The following GBE1 variants were observed in gnomAD, a reference collection of about 807,000 sequenced individuals.
GBE1 encodes 1,4-alpha-glucan-branching enzyme.
Under a neutral mutation model 88.8 loss-of-function variants are expected in GBE1, and 70 were observed. That is an observed-to-expected ratio of 0.79 (90% confidence interval 0.65 to 0.96). The LOEUF is 0.96. Ranked by LOEUF, GBE1 falls within the 40% of genes least tolerant of loss-of-function variation. The probability of loss-of-function intolerance (pLI) is 0.00; values close to 1 mark genes in which losing one functional copy is unlikely to be tolerated. For missense variants in GBE1, 872 were observed against 871.0 expected, an observed-to-expected ratio of 1.00 and a Z score of -0.01; for synonymous variants, 284 against 300.1, an observed-to-expected ratio of 0.95 and a Z score of 0.56.
intron 1 of GBE1, among the ~76,000 whole-genome samples, chr3:81,756,296 A>G (rs1166160878): frequency 1.3e-5 from 2 of 152,194 alleles, no homozygotes; most frequent in Admixed American, 1.3e-4. Flanking sequence ...TGAAACCTCT[A>G]GTAACTACTC....
chr3:81,493,967 G>T (rs943892483), intron 15 of GBE1, among the ~76,000 whole-genome samples: 1 of 151,808 alleles, frequency 6.6e-6, no homozygotes, highest in African/African-American at 2.4e-5. Context: ...GTCTTTTTAT[G>T]TAAGGAGGTT....
chr3:81,603,787 T>G (rs1704064479), intron 7 of GBE1, among the ~76,000 whole-genome samples: 2 of 152,076 alleles, frequency 1.3e-5, no homozygotes, highest in Non-Finnish European at 2.9e-5. Context: ...TGAGCCACCA[T>G]GCCCAGCCTA....
At chr3:81,696,946 G>C (rs1705604693) in intron 2 of GBE1, among the ~76,000 whole-genome samples, 1 of 152,074 alleles carries the variant, frequency 6.6e-6, no homozygotes, top group South Asian at 2.1e-4. Flanking sequence ...GAGGACTTCT[G>C]TGACCAAAGG....
chr3:81,679,331 C>T (rs886941676), intron 2 of GBE1, among the ~76,000 whole-genome samples: 2 of 152,140 alleles, frequency 1.3e-5, no homozygotes, highest in African/African-American at 4.8e-5. Context: ...AGTTTCCATT[C>T]ATACTCCAAT....
intron 15 of GBE1, among the ~76,000 whole-genome samples, chr3:81,493,236 A>T (rs1237603218): frequency 6.6e-6 from 1 of 151,820 alleles, no homozygotes; most frequent in Non-Finnish European, 1.5e-5. Context: ...TCTCTTATAG[A>T]GTATTGTCCT....
intron 11 of GBE1, among the ~76,000 whole-genome samples, chr3:81,578,644 T>C (rs979174511): frequency 1.3e-5 from 2 of 151,952 alleles, no homozygotes; most frequent in African/African-American, 4.8e-5. Flanking sequence ...TGCTTTCTCA[T>C]TGTATTTGCC....
chr3:81,557,828 AGAAG>A (rs1703367613), intron 12 of GBE1, among the ~76,000 whole-genome samples: 2 of 152,050 alleles, frequency 1.3e-5, no homozygotes, highest in African/African-American at 4.8e-5. Flanking sequence ...GAAACTGAGG[AGAAG>A]GAGTCTGTGA....
chr3:81,605,773 G>T (rs1031665132), intron 7 of GBE1, among the ~76,000 whole-genome samples: 9 of 152,144 alleles, frequency 5.9e-5, no homozygotes, highest in African/African-American at 9.7e-5. Context: ...CAACTCAGTT[G>T]TGGTAGGGAG....
intron 1 of GBE1, among the ~76,000 whole-genome samples, chr3:81,757,678 C>T (rs1415234259): frequency 6.6e-6 from 1 of 152,166 alleles, no homozygotes; most frequent in Non-Finnish European, 1.5e-5. Flanking sequence ...AGATTCCAGA[C>T]ACTGCGATTG....
At chr3:81,691,572 T>C (rs1705522127) in intron 2 of GBE1, among the ~76,000 whole-genome samples, 1 of 151,754 alleles carries the variant, frequency 6.6e-6, no homozygotes, top group Non-Finnish European at 1.5e-5. Flanking sequence ...AGCCCAGGAG[T>C]TCGACACCAG....
intron 12 of GBE1, among the ~76,000 whole-genome samples, chr3:81,552,588 G>T (rs1215567223): frequency 6.9e-6 from 1 of 144,618 alleles, no homozygotes; most frequent in Non-Finnish European, 1.5e-5. Context: ...ATCTTCATCA[G>T]CAATGTCCAT....
chr3:81,543,978 CTAA>C (rs1055624306), intron 12 of GBE1, among the ~76,000 whole-genome samples: 1 of 152,100 alleles, frequency 6.6e-6, no homozygotes, highest in African/African-American at 2.4e-5. Flanking sequence ...TCATGCATTT[CTAA>C]TGATTTTCTA....
At chr3:81,642,200 T>C (rs912243725) in intron 7 of GBE1, among the ~76,000 whole-genome samples, 1 of 152,030 alleles carries the variant, frequency 6.6e-6, no homozygotes, top group African/African-American at 2.4e-5. Context: ...AGTTTATTTA[T>C]CTGTAAGATG....
At chr3:81,670,028 T>C (rs1705167876) in intron 3 of GBE1, among the ~76,000 whole-genome samples, 1 of 152,196 alleles carries the variant, frequency 6.6e-6, no homozygotes, top group Non-Finnish European at 1.5e-5. Flanking sequence ...TCATGGTAAA[T>C]GTCTAAGGAA....
intron 12 of GBE1, among the ~76,000 whole-genome samples, chr3:81,571,232 C>T (rs985589255): frequency 2.0e-4 from 31 of 152,098 alleles, no homozygotes; most frequent in East Asian, 7.7e-4. Context: ...TACTTTTCTC[C>T]GTTGAAGAGG....
intron 1 of GBE1, among the ~76,000 whole-genome samples, chr3:81,758,327 C>G (rs1249143102): frequency 6.6e-6 from 1 of 152,216 alleles, no homozygotes; most frequent in Non-Finnish European, 1.5e-5. Context: ...ACAATGTTCA[C>G]AAATGCCAAT....
At chr3:81,535,424 A>C in intron 13 of GBE1, 99 bp from the exon 14 acceptor site, 1 of 1,119,472 alleles carries the variant, frequency 8.9e-7, no homozygotes, top group South Asian at 1.7e-5. Flanking sequence ...TATTAAACCA[A>C]AAATGAGTAT....
At chr3:81,707,868 C>T (rs1324835013) in intron 1 of GBE1, among the ~76,000 whole-genome samples, 1 of 151,882 alleles carries the variant, frequency 6.6e-6, no homozygotes, top group Non-Finnish European at 1.5e-5. Flanking sequence ...TTCTATCAAG[C>T]ATTTTCTTTA....
intron 1 of GBE1, among the ~76,000 whole-genome samples, chr3:81,751,346 C>T (rs539996444): frequency 6.6e-6 from 1 of 152,142 alleles, no homozygotes. Flanking sequence ...AGGAAAAGAG[C>T]CCTGGGAAGT....
Sources: allele counts gnomAD v4.1 joint callset (sites outside exome capture counted in the v4.1 genomes callset), GRCh38; gene constraint gnomAD v4.1.1; transcripts MANE v1.5; gene names NCBI Gene and HGNC (gene_info 2026-07-23, HGNC 2026-07-21).